The following NAALADL2 variants were observed in gnomAD, a reference collection of about 807,000 sequenced individuals.
NAALADL2 encodes inactive N-acetylated-alpha-linked acidic dipeptidase-like protein 2.
A neutral mutation model predicts 87.2 loss-of-function variants in NAALADL2; 76 were observed. The ratio of observed to expected loss-of-function variants is 0.87; its 90% confidence interval spans 0.72 to 1.05. The LOEUF is 1.05. NAALADL2 is among the 50% of genes least tolerant of loss of function. NAALADL2 has a pLI of 0.00. For missense variants in NAALADL2, 1,089 were observed against 945.8 expected (o/e 1.15, Z -1.99); for synonymous variants, 354 against 331.0 (o/e 1.07, Z -0.75).
At chr3:175,345,211 A>G (rs1327328448) in intron 5 of NAALADL2, among the ~76,000 whole-genome samples, 1 of 152,156 alleles carries the variant, frequency 6.6e-6, no homozygotes, top group Non-Finnish European at 1.5e-5. Flanking sequence ...TAAAAATTAA[A>G]TAAATATCAG....
intron 2 of NAALADL2, among the ~76,000 whole-genome samples, chr3:175,233,460 T>C (rs1745306493): frequency 6.6e-6 from 1 of 152,136 alleles, no homozygotes; most frequent in Non-Finnish European, 1.5e-5. Flanking sequence ...TGTTTTTCTT[T>C]GGAGAGAGTC....
chr3:175,318,160 G>A (rs1265358968), intron 4 of NAALADL2, among the ~76,000 whole-genome samples: 1 of 151,960 alleles, frequency 6.6e-6, no homozygotes, highest in Non-Finnish European at 1.5e-5. Context: ...AAATGTAACA[G>A]TTTATGGCAA....
At chr3:174,443,856 A>G (rs1714849255) in intron 1 of NAALADL2, among the ~76,000 whole-genome samples, 1 of 151,760 alleles carries the variant, frequency 6.6e-6, no homozygotes, top group Admixed American at 6.6e-5. Context: ...TTTAAAGATG[A>G]GGATTGAGAA....
chr3:174,483,354 T>C (rs1254046256), intron 1 of NAALADL2, among the ~76,000 whole-genome samples: 1 of 151,866 alleles, frequency 6.6e-6, no homozygotes, highest in African/African-American at 2.4e-5. Flanking sequence ...GAAGGAGAAG[T>C]GCTGAGTGAA....
Position 175,114,918 on chromosome 3 carries a change from T to C in NAALADL2, c.545+17627T>C, listed in dbSNP as rs550448227. ...CAAAGCAAATCACAAAAGAAAACTT[T>C]ATAGTTTTGTTTTCTCTTTACGAAT... is the stretch of plus-strand genomic sequence containing the variant. On this transcript the variant is annotated intron_variant, in intron 2 of 13. Transcript: ENST00000454872. Among the ~76,000 whole-genome samples, 11 of 151,786 alleles carry C rather than the reference T, an allele frequency of 7.2e-5. No homozygotes were observed. In the East Asian group the frequency reaches 1.9e-3, roughly 27 times the overall value.
At chr3:175,131,900 C>T (rs1320432132) in intron 2 of NAALADL2, among the ~76,000 whole-genome samples, 1 of 56,160 alleles carries the variant, frequency 1.8e-5, no homozygotes, top group Admixed American at 1.7e-4. Context: ...CCAGACGGGG[C>T]GGCTGGCCGG....
chr3:174,966,516 T>C (rs1742895230), intron 1 of NAALADL2, among the ~76,000 whole-genome samples: 1 of 152,056 alleles, frequency 6.6e-6, no homozygotes, highest in South Asian at 2.1e-4. Context: ...ATGAGAGATA[T>C]AAGGAAGGTA....
chr3:174,962,099 A>G (rs1742096518), intron 1 of NAALADL2, among the ~76,000 whole-genome samples: 1 of 151,798 alleles, frequency 6.6e-6, no homozygotes, highest in African/African-American at 2.4e-5. Flanking sequence ...GGAAGCCAAT[A>G]GCCATGTCAT....
intron 2 of NAALADL2, among the ~76,000 whole-genome samples, chr3:175,193,933 T>C (rs926843862): frequency 9.9e-5 from 15 of 151,892 alleles, no homozygotes; most frequent in African/African-American, 3.6e-4. Flanking sequence ...ATTAGGACTT[T>C]TAACAGACGA....
rs1581891682 is a variant in NAALADL2, at chr3:175,438,993, C to T, written c.1091-8236C>T. On this transcript the variant is annotated intron_variant, in intron 5 of 13. Coordinates refer to ENST00000454872, the MANE Select transcript of NAALADL2 (RefSeq NM_207015.3). Reference sequence around the variant, plus strand: ...TGTACCCAATGTGTAGTCTTTTATCCCTCACCCCCTCCCATCCTTTCCCTC... The same window carrying T: ...TGTACCCAATGTGTAGTCTTTTATCTCTCACCCCCTCCCATCCTTTCCCTC... Among the ~76,000 whole-genome samples the T allele has an allele frequency of 6.6e-5, 10 of 152,040 alleles. No individual in the cohort carries two copies. The South Asian group carries it at 2.1e-3, about 32-fold the overall frequency.
chr3:175,460,074 G>A, intron 6 of NAALADL2: 3 of 443,330 alleles, frequency 6.8e-6, no homozygotes, highest in Non-Finnish European at 1.4e-5. Flanking sequence ...AATTATTCTT[G>A]TAGGATAAAT....
At chr3:174,442,946 C>T (rs894926938) in intron 1 of NAALADL2, among the ~76,000 whole-genome samples, 1 of 152,112 alleles carries the variant, frequency 6.6e-6, no homozygotes, top group South Asian at 2.1e-4. Flanking sequence ...AGTGCAGAGG[C>T]CGGGCACATT....
intron 13 of NAALADL2, among the ~76,000 whole-genome samples, chr3:175,783,390 G>C (rs1342186623): frequency 2.6e-5 from 4 of 150,984 alleles, no homozygotes; most frequent in Non-Finnish European, 5.9e-5. Context: ...CTTGAGCAGT[G>C]GTTTGTAGTT....
intron 2 of NAALADL2, among the ~76,000 whole-genome samples, chr3:174,588,310 C>G (rs1427330752): frequency 6.6e-6 from 1 of 152,048 alleles, no homozygotes; most frequent in African/African-American, 2.4e-5. Context: ...GTGATGGGTT[C>G]GAACATCCTC....
At chr3:175,710,095 A>G (rs1178486263) in intron 11 of NAALADL2, among the ~76,000 whole-genome samples, 1 of 152,076 alleles carries the variant, frequency 6.6e-6, no homozygotes, top group Non-Finnish European at 1.5e-5. Context: ...AAGAATTAGC[A>G]GGAAGAGATA....
At chr3:174,815,210 A>G (rs535643845) in intron 3 of NAALADL2, among the ~76,000 whole-genome samples, 1 of 152,166 alleles carries the variant, frequency 6.6e-6, no homozygotes, top group African/African-American at 2.4e-5. Context: ...GTAACAAAGT[A>G]TACCACAGAC....
intron 1 of NAALADL2, among the ~76,000 whole-genome samples, chr3:174,934,640 C>T (rs537465138): frequency 4.6e-4 from 70 of 151,972 alleles, no homozygotes; most frequent in African/African-American, 6.8e-4. Flanking sequence ...GCTGAGACCT[C>T]GTCTCTATAA....
intron 1 of NAALADL2, among the ~76,000 whole-genome samples, chr3:174,891,643 T>C (rs1730882553): frequency 6.6e-6 from 1 of 152,146 alleles, no homozygotes; most frequent in Non-Finnish European, 1.5e-5. Flanking sequence ...ATCACACAGG[T>C]CTGAACTTGA....
chr3:174,471,849 T>C (rs1716929139), intron 1 of NAALADL2, among the ~76,000 whole-genome samples: 1 of 152,280 alleles, frequency 6.6e-6, no homozygotes, highest in South Asian at 2.1e-4. Flanking sequence ...TCAATAACTT[T>C]GGGTGTCCAA....
Sources: gnomAD v4.1 joint callset for allele counts (sites outside exome capture counted in the v4.1 genomes callset) on GRCh38, gnomAD v4.1.1 for gene constraint, MANE v1.5 for transcripts, NCBI Gene and HGNC (gene_info 2026-07-23, HGNC 2026-07-21) for gene names.